HSPA8: variants seen among roughly 807,000 people sequenced by gnomAD.
The protein encoded by HSPA8 is heat shock cognate 71 kDa protein.
HSPA8 carries 2 observed loss-of-function variants against 52.8 expected under a neutral mutation model. That is an observed-to-expected ratio of 0.04 (90% CI 0.02 to 0.12). The LOEUF is 0.12. Among genes scored for constraint, HSPA8 ranks in the 10% least tolerant of loss-of-function variants. HSPA8 has a pLI of 1.00. For synonymous variants in HSPA8, 436 were observed against 274.0 expected (o/e 1.59, Z -5.84); for missense variants, 349 against 800.5 (o/e 0.44, Z 6.81).
intron 1 of HSPA8, 182 bp from the exon 2 acceptor site, chr11:123,061,511 A>C (rs1330642885): frequency 1.6e-6 from 1 of 609,188 alleles, no homozygotes; most frequent in Non-Finnish European, 2.9e-6. Context: ...TGCCGTGCCA[A>C]CCGCAGCAGA....
chr11:123,057,777 G>C lies in HSPA8; in HGVS notation c.1898C>G (p.Ser633Cys), dbSNP rs946722582. 6.2e-7 allele frequency: 1 copy of C among 1,613,720 alleles called. No individual in the cohort carries two copies. Among genetic ancestry groups the C allele is most frequent in the Non-Finnish European group, 8.5e-7 (1 of 1,179,764 alleles). ...GGTGGGCCCTGAGGAAGCACCACCA[G>C]AGGGAGGAGCTCCACCACCAGGAAA... The part of the protein sequence containing the change: ...GGFPGGGAPP[S>C]GGASSGPTIE... The change falls in exon 9 of 9, where the codon TCT becomes TGT. Residue 633 changes from serine to cysteine, a missense_variant. By Grantham distance (112) the Ser-to-Cys change is moderately radical (BLOSUM62 -1). Transcript: ENST00000534624.
chr11:123,060,485 G>C, intron 3 of HSPA8, 108 bp downstream of exon 3: 1 of 981,212 alleles, frequency 1.0e-6, no homozygotes, highest in Non-Finnish European at 1.6e-6. Flanking sequence ...TCTTAACCCT[G>C]AGCTGAGCCC....
intron 2 of HSPA8, 154 bp from the exon 3 acceptor site, chr11:123,060,952 C>G (rs1180954359): frequency 1.3e-5 from 11 of 875,516 alleles, no homozygotes; most frequent in Non-Finnish European, 1.8e-5. Flanking sequence ...CCTACGTTAT[C>G]CAGATTTCAG....
intron 1 of HSPA8, chr11:123,061,534 T>A (rs1865502137): frequency 1.7e-6 from 1 of 594,492 alleles, no homozygotes; most frequent in Non-Finnish European, 3.0e-6. Context: ...ACGCCCTAGA[T>A]GAAGGACCCA....
chr11:123,058,554 G>T, intron 7 of HSPA8, 70 bp from the exon 8 acceptor site: 1 of 1,567,578 alleles, frequency 6.4e-7, no homozygotes. Flanking sequence ...GTTTCTCTTA[G>T]CTAGACGCCC....
At chr11:123,062,266 C>G (rs1865537830), upstream of HSPA8, 1 of 153,002 alleles carries the variant, frequency 6.5e-6, no homozygotes, top group East Asian at 1.9e-4. Context: ...AAGACCCAAT[C>G]ACAAGCCCGG....
intron 3 of HSPA8, 128 bp from the exon 4 acceptor site, chr11:123,060,396 G>A (rs1384091499): frequency 9.8e-7 from 1 of 1,016,586 alleles, no homozygotes; most frequent in South Asian, 1.5e-5. Flanking sequence ...AAATTACTGT[G>A]TAATTGTCAA....
At position 123,058,040 on chromosome 11, in the gene HSPA8, A is replaced by G. The variant is rs533357883; in HGVS notation, c.1756-121T>C. 22 of 799,630 alleles carry G rather than the reference A, an allele frequency of 2.8e-5. No homozygotes were observed. In the East Asian group the frequency reaches 4.0e-4, roughly 15 times the overall value. The allele number at this position is 799,630 out of a possible 1,614,324, so 49.5% of individuals were successfully genotyped here. ...CTCTTACAAGAGGGCCACTACCAAC[A>G]TTAAAATAGGGCCTTATTCTTCCTT... On this transcript the variant is annotated intron_variant, in intron 8 of 8. Coordinates refer to ENST00000534624, the MANE Select transcript of HSPA8 (RefSeq NM_006597.6).
chr11:123,061,701 A>G (rs11218941), intron 1 of HSPA8: 70,279 of 280,018 alleles, frequency 0.25, 10,776 homozygotes, highest in African/African-American at 0.46. Context: ...CGCCAAGAAC[A>G]GCTCTGAAGA....
chr11:123,059,036 A>C, intron 6 of HSPA8, 23 bp downstream of exon 6: 1 of 1,599,056 alleles, frequency 6.3e-7, no homozygotes, highest in Non-Finnish European at 8.6e-7. Flanking sequence ...AGTAAGCCAA[A>C]CAAGAGAAGT....
chr11:123,059,289 G>A lies in HSPA8; in HGVS notation c.1121-28C>T, dbSNP rs746921647. 8.2e-6 allele frequency: 13 copies of A among 1,584,496 alleles called. No individual in the cohort carries two copies. The Middle Eastern group carries it at 1.3e-3, about 162-fold the overall frequency. On this transcript the variant is annotated intron_variant, in intron 5 of 8. Transcript: ENST00000534624. ...AGCAAACAAAAAGTTAACGTTAAAAGAAGTTAAAAGAAAACCCAGTACATA... is the reference window on the plus strand; with the variant it reads ...AGCAAACAAAAAGTTAACGTTAAAAAAAGTTAAAAGAAAACCCAGTACATA...
intron 6 of HSPA8, 99 bp downstream of exon 6, chr11:123,058,960 A>C: frequency 7.1e-7 from 1 of 1,403,414 alleles, no homozygotes; most frequent in South Asian, 1.2e-5. Flanking sequence ...TTCTGGTGGA[A>C]ACTACGAATG....
Position 123,059,598 on chromosome 11 carries a change from T to C in HSPA8, c.995A>G (p.His332Arg). ...AGAACCACCAACCAGGACAATATCA[T>C]GAATCTGTGACTTGTCTAGTTTGGC... Reference protein sequence around the residue: ...RDAKLDKSQIHDIVLVGGSTR... With the variant: ...RDAKLDKSQIRDIVLVGGSTR... The change falls in exon 5 of 9, where the codon CAT (histidine) becomes CGT (arginine). Residue 332 changes from histidine to arginine, a missense_variant. Coordinates refer to ENST00000534624, the MANE Select transcript of HSPA8 (RefSeq NM_006597.6). 6.2e-7 allele frequency: 1 copy of C among 1,614,160 alleles called. No homozygotes were observed. Among genetic ancestry groups the C allele is most frequent in the Non-Finnish European group, 8.5e-7 (1 of 1,180,000 alleles).
chr11:123,058,655 T>C lies in HSPA8; in HGVS notation c.1499A>G (p.Lys500Arg), dbSNP rs780908558. ...ACCCTTGTCATTAGTGATAGTAATC[T>C]TGTTCTCTTTTCCCGTACTCTTGTC... ...AVDKSTGKEN[K>R]ITITNDKGRL... Residue 500 changes from lysine (K) to arginine (R), a missense_variant, in exon 7 of 9, where the codon AAG becomes AGG. Coordinates refer to ENST00000534624, the MANE Select transcript of HSPA8 (RefSeq NM_006597.6). 1.2e-6 allele frequency: 2 copies of C among 1,613,606 alleles called. No individual in the cohort carries two copies. Among genetic ancestry groups the C allele is most frequent in the Admixed American group, 3.3e-5 (2 of 60,016 alleles).
rs774484203 is a variant in HSPA8 at position 123,059,774 on chromosome 11, G to C, written c.819C>G (p.Thr273=). The C allele has an allele frequency of 6.2e-7, 1 of 1,613,780 alleles. No individual in the cohort carries two copies. Among genetic ancestry groups the C allele is most frequent in the Non-Finnish European group, 8.5e-7 (1 of 1,179,846 alleles). The change falls in exon 5 of 9, where the codon ACC becomes ACG. Residue 273 remains threonine, a synonymous_variant. Transcript: ENST00000534624. The part of the protein sequence containing the change: ...LRTACERAKR[T]LSSSTQASIE... ...TACTGGCCTGGGTGCTGGAAGAGAG[G>C]GTACGCTTAGCACGTTCACAAGCAG...
At chr11:123,058,959 A>G in intron 6 of HSPA8, 100 bp downstream of exon 6, 1 of 1,404,194 alleles carries the variant, frequency 7.1e-7, no homozygotes, top group South Asian at 1.2e-5. Context: ...TTTCTGGTGG[A>G]AACTACGAAT....
chr11:123,060,439 C>A, intron 3 of HSPA8, 154 bp downstream of exon 3: 1 of 898,116 alleles, frequency 1.1e-6, no homozygotes, highest in South Asian at 1.6e-5. Flanking sequence ...ACAGACCCAT[C>A]TACCTAGAGA....
At chr11:123,058,124 T>C in intron 8 of HSPA8, 128 bp downstream of exon 8, 2 of 745,850 alleles carry the variant, frequency 2.7e-6, no homozygotes, top group South Asian at 1.8e-5. Context: ...TGAATTCTGG[T>C]GGAAACCGCG....
chr11:123,059,632 G>C lies in HSPA8; in HGVS notation c.961C>G (p.Leu321Val), dbSNP rs1865433832. The C allele has an allele frequency of 6.2e-7, 1 of 1,614,020 alleles. No individual in the cohort carries two copies. The highest frequency in any genetic ancestry group is 1.3e-5 in the African/African-American group (1 of 74,920). Residue 321 changes from leucine (L) to valine (V), a missense_variant, in exon 5 of 9, where the codon CTT becomes GTT. Transcript: ENST00000534624. ...GACTTGTCTAGTTTGGCATCTCGAAGGGCTTTCTCTACTGGGTCCAGGGTG... is the reference window on the plus strand; with the variant it reads ...GACTTGTCTAGTTTGGCATCTCGAACGGCTTTCTCTACTGGGTCCAGGGTG... The part of the protein sequence containing the change: ...RGTLDPVEKA[L>V]RDAKLDKSQI...
Sources: gnomAD v4.1 joint callset for allele counts on GRCh38, gnomAD v4.1.1 for gene constraint, MANE v1.5 for transcripts, NCBI Gene and HGNC (gene_info 2026-07-23, HGNC 2026-07-21) for gene names.